IQGAP2: variants seen among roughly 807,000 people sequenced by gnomAD.
The protein encoded by IQGAP2 is ras GTPase-activating-like protein IQGAP2.
In IQGAP2, 173 loss-of-function variants were observed where a neutral mutation model predicts 201.3. That is an observed-to-expected ratio of 0.86 (90% CI 0.76 to 0.98). The LOEUF is 0.98. IQGAP2 is among the 50% of genes least tolerant of loss of function. IQGAP2 has a pLI of 0.00. For missense variants in IQGAP2, 1,687 were observed against 1,864.8 expected, an observed-to-expected ratio of 0.90 and a Z score of 1.76; for synonymous variants, 675 against 673.9, an observed-to-expected ratio of 1.00 and a Z score of -0.03.
At chr5:76,463,554 G>C (rs1046515526) in intron 2 of IQGAP2, among the ~76,000 whole-genome samples, 5 of 152,208 alleles carry the variant, frequency 3.3e-5, no homozygotes, top group Non-Finnish European at 4.4e-5. Context: ...GATAACATAA[G>C]CAAAGTTTTC....
chr5:76,642,654 A>G (rs1007153611), intron 17 of IQGAP2, among the ~76,000 whole-genome samples: 1 of 152,204 alleles, frequency 6.6e-6, no homozygotes, highest in Non-Finnish European at 1.5e-5. Context: ...ACCTTCAAGT[A>G]GGAAAATGTT....
rs56031811 is a variant in IQGAP2, at chr5:76,429,860, G to GACACAC, written c.46+26298_46+26303dup. 5.7e-3 allele frequency among the ~76,000 whole-genome samples: 819 copies of GACACAC among 144,626 alleles called. 4 individuals are homozygous for GACACAC. The highest frequency in any genetic ancestry group is 9.8e-3 in the African/African-American group (375 of 38,460). The allele number at this position is 144,626 out of a possible 152,430, so 94.9% of individuals were successfully genotyped here. A position where few individuals can be genotyped will look rare whatever the true frequency, so the allele number is the denominator to read the frequency against. ...TCCAGCTGAATGAAAAGGAGACACA[G>GACACAC]ACACACACACACACACACACACACA... On this transcript the variant is annotated intron_variant, in intron 1 of 35. Transcript: ENST00000274364.
chr5:76,565,550 C>T (rs1370874161), intron 3 of IQGAP2, among the ~76,000 whole-genome samples: 2 of 152,202 alleles, frequency 1.3e-5, no homozygotes, highest in Non-Finnish European at 2.9e-5. Flanking sequence ...TACATGCCCA[C>T]GCCATGTGCA....
chr5:76,529,220 TG>T (rs1322872151), intron 2 of IQGAP2, among the ~76,000 whole-genome samples: 1 of 150,890 alleles, frequency 6.6e-6, no homozygotes, highest in Non-Finnish European at 1.5e-5. Context: ...CTTTCACCAA[TG>T]ATGTACATAT....
At chr5:76,425,215 T>C (rs1751929671) in intron 1 of IQGAP2, among the ~76,000 whole-genome samples, 1 of 152,232 alleles carries the variant, frequency 6.6e-6, no homozygotes, top group Non-Finnish European at 1.5e-5. Flanking sequence ...CCCTCTCTAG[T>C]GGTTCCAGCA....
intron 2 of IQGAP2, among the ~76,000 whole-genome samples, chr5:76,463,822 A>G (rs1407264473): frequency 6.6e-6 from 1 of 151,850 alleles, no homozygotes; most frequent in Non-Finnish European, 1.5e-5. Flanking sequence ...TTTTATTAAG[A>G]CACAAATACT....
Position 76,588,912 on chromosome 5 carries a change from T to G in IQGAP2, c.465T>G (p.Tyr155Ter). The G allele has an allele frequency of 6.3e-7, 1 of 1,598,748 alleles. No individual in the cohort carries two copies. Among genetic ancestry groups the G allele is most frequent in the Non-Finnish European group, 8.6e-7 (1 of 1,167,600 alleles). Reference protein sequence around the residue: ...MIYCIHALSLYLFKLGIAPQI... With the variant: ...MIYCIHALSL ...TTGTGTTTTTTTCTTTCAGTTTGTA[T>G]CTGTTCAAACTAGGAATAGCACCCC... is the stretch of plus-strand genomic sequence containing the variant. Residue 155 changes from tyrosine (Y) to a stop codon, truncating the protein, a stop_gained, in exon 6 of 36, where the codon TAT becomes TAG. Coordinates refer to ENST00000274364, the MANE Select transcript of IQGAP2 (RefSeq NM_006633.5). LOFTEE classifies it high-confidence loss of function.
intron 13 of IQGAP2, among the ~76,000 whole-genome samples, chr5:76,619,087 C>G (rs1047475653): frequency 6.6e-6 from 1 of 152,166 alleles, no homozygotes; most frequent in Non-Finnish European, 1.5e-5. Flanking sequence ...TGGACAGAAG[C>G]ATAGTGTGGG....
At position 76,703,858 on chromosome 5, in the gene IQGAP2, C is replaced by T. The variant is rs560311724; in HGVS notation, c.4614+1268C>T. Among the ~76,000 whole-genome samples the T allele has an allele frequency of 2.0e-5, 3 of 152,288 alleles. No homozygotes were observed. In the East Asian group the frequency reaches 5.8e-4, roughly 29 times the overall value. Reference sequence around the variant, plus strand: ...TTGCATATGTTTACATGAATCATCTCACTAAGATCCTGAGAGTGATGTGAA... The same window carrying T: ...TTGCATATGTTTACATGAATCATCTTACTAAGATCCTGAGAGTGATGTGAA... On this transcript the variant is annotated intron_variant, in intron 35 of 35. Coordinates refer to ENST00000274364, the MANE Select transcript of IQGAP2 (RefSeq NM_006633.5).
intron 17 of IQGAP2, among the ~76,000 whole-genome samples, chr5:76,651,895 T>A (rs1009780811): frequency 4.6e-5 from 7 of 152,152 alleles, no homozygotes; most frequent in Non-Finnish European, 1.0e-4. Context: ...TTTACCCTTT[T>A]TAAAAAGAAT....
At chr5:76,611,767 G>C (rs909680337) in intron 13 of IQGAP2, among the ~76,000 whole-genome samples, 1 of 152,214 alleles carries the variant, frequency 6.6e-6, no homozygotes, top group Non-Finnish European at 1.5e-5. Flanking sequence ...GGCTTTTTCT[G>C]AGTACAGAGC....
chr5:76,569,935 C>T (rs1025534833), intron 3 of IQGAP2, among the ~76,000 whole-genome samples: 1 of 152,188 alleles, frequency 6.6e-6, no homozygotes, highest in South Asian at 2.1e-4. Context: ...ATGGAAGATA[C>T]ACAAAAGCTA....
chr5:76,426,888 G>A (rs376611062), intron 1 of IQGAP2, among the ~76,000 whole-genome samples: 4 of 144,150 alleles, frequency 2.8e-5, no homozygotes, highest in African/African-American at 7.5e-5. Flanking sequence ...TGAGCCAAGC[G>A]GGGAAAAACC....
intron 13 of IQGAP2, among the ~76,000 whole-genome samples, chr5:76,623,909 G>T (rs893302371): frequency 6.8e-6 from 1 of 147,686 alleles, no homozygotes; most frequent in Admixed American, 6.8e-5. Context: ...GTTTTTCTTC[G>T]CCGGGTGAGG....
chr5:76,575,807 T>C (rs1399989896), intron 5 of IQGAP2, 38 bp downstream of exon 5: 5 of 1,162,086 alleles, frequency 4.3e-6, no homozygotes, highest in Non-Finnish European at 6.1e-6. Flanking sequence ...CTCTAAGAAG[T>C]AGATTTAAAT....
At chr5:76,669,122 T>C (rs1459381332) in intron 23 of IQGAP2, among the ~76,000 whole-genome samples, 1 of 152,206 alleles carries the variant, frequency 6.6e-6, no homozygotes, top group African/African-American at 2.4e-5. Context: ...AGTGAAAACA[T>C]TTAACTTAAT....
intron 23 of IQGAP2, among the ~76,000 whole-genome samples, chr5:76,670,557 G>C (rs1455386576): frequency 6.6e-6 from 1 of 152,030 alleles, no homozygotes; most frequent in Admixed American, 6.6e-5. Flanking sequence ...GTGGGAAGAG[G>C]AGCACAGCAA....
At chr5:76,547,758 T>C (rs1476564518) in intron 2 of IQGAP2, among the ~76,000 whole-genome samples, 2 of 152,226 alleles carry the variant, frequency 1.3e-5, no homozygotes, top group African/African-American at 4.8e-5. Flanking sequence ...GAAGGTGCTT[T>C]GCACTGCAAA....
chr5:76,466,991 C>T (rs545644968), intron 2 of IQGAP2, among the ~76,000 whole-genome samples: 2 of 152,312 alleles, frequency 1.3e-5, no homozygotes, highest in African/African-American at 4.8e-5. Flanking sequence ...TGGCTCACAC[C>T]TGTAATCCCA....
Sources: gnomAD v4.1 joint callset for allele counts (sites outside exome capture counted in the v4.1 genomes callset) on GRCh38, gnomAD v4.1.1 for gene constraint, MANE v1.5 for transcripts, NCBI Gene and HGNC (gene_info 2026-07-23, HGNC 2026-07-21) for gene names.